PIGN: variants seen among roughly 807,000 people sequenced by gnomAD.
PIGN encodes the protein phosphatidylinositol glycan anchor biosynthesis class N, also known as GPI ethanolamine phosphate transferase 1.
In PIGN, 117 loss-of-function variants were observed where a neutral mutation model predicts 125.4. That is an observed-to-expected ratio of 0.93 (90% CI 0.80 to 1.09). PIGN has a LOEUF of 1.09. Among genes scored for constraint, PIGN ranks in the 50% least tolerant of loss-of-function variants. PIGN has a pLI of 0.00. For missense variants in PIGN, 1,075 were observed against 1,094.9 expected (o/e 0.98, Z 0.26); for synonymous variants, 392 against 377.8 (o/e 1.04, Z -0.44).
intron 20 of PIGN, among the ~76,000 whole-genome samples, chr18:62,104,642 T>A (rs910789814): frequency 6.6e-6 from 1 of 152,164 alleles, no homozygotes; most frequent in Non-Finnish European, 1.5e-5. Context: ...GGTATTCTCA[T>A]ACAAATAGGA....
intron 30 of PIGN, among the ~76,000 whole-genome samples, chr18:62,061,794 T>C (rs1014507048): frequency 3.0e-4 from 45 of 152,228 alleles, no homozygotes; most frequent in African/African-American, 1.0e-3. Context: ...ACAAGAATAA[T>C]TGGAAACTCA....
intron 4 of PIGN, chr18:62,158,063 A>G (rs2036805990): frequency 5.9e-6 from 2 of 339,394 alleles, no homozygotes; most frequent in African/African-American, 2.1e-5. Flanking sequence ...ATGAAACAAA[A>G]TACATGATTG....
intron 10 of PIGN, among the ~76,000 whole-genome samples, chr18:62,144,754 GCTATACATTTAAAA>G (rs2036258473): frequency 6.6e-6 from 1 of 152,152 alleles, no homozygotes; most frequent in Admixed American, 6.5e-5. Context: ...AATTCATAAA[GCTATACATTTAAAA>G]CCAATGCATT....
intron 23 of PIGN, among the ~76,000 whole-genome samples, chr18:62,023,083 C>G (rs571902): frequency 0.24 from 35,852 of 151,784 alleles, 4,476 homozygotes; most frequent in Middle Eastern, 0.37. Flanking sequence ...TATTTTTGAT[C>G]CGCTATTGGT....
downstream of PIGN, among the ~76,000 whole-genome samples, chr18:62,036,429 T>G (rs1329167236): frequency 6.6e-6 from 1 of 152,094 alleles, no homozygotes; most frequent in Non-Finnish European, 1.5e-5. Context: ...GACAAACAAA[T>G]CAAGGTTCTG....
At chr18:62,060,162 A>G (rs1387231695) in intron 30 of PIGN, among the ~76,000 whole-genome samples, 1 of 152,210 alleles carries the variant, frequency 6.6e-6, no homozygotes, top group Non-Finnish European at 1.5e-5. Flanking sequence ...GTTATCTTGC[A>G]TCAATCAAGT....
chr18:62,059,647 T>A (rs999667250), intron 30 of PIGN, among the ~76,000 whole-genome samples: 1 of 152,198 alleles, frequency 6.6e-6, no homozygotes, highest in African/African-American at 2.4e-5. Context: ...GGGCTTGGGA[T>A]GGTAATGGGA....
At chr18:62,095,435 T>A (rs951882426) in intron 23 of PIGN, among the ~76,000 whole-genome samples, 6 of 151,272 alleles carry the variant, frequency 4.0e-5, no homozygotes, top group Non-Finnish European at 7.4e-5. Context: ...CAAATGAATA[T>A]CTGAACTGTG....
downstream of PIGN, among the ~76,000 whole-genome samples, chr18:62,039,659 C>T (rs1167944957): frequency 3.2e-5 from 4 of 125,078 alleles, 1 homozygote; most frequent in South Asian, 2.5e-4. Flanking sequence ...TTCAGGGTGC[C>T]GCACCCCATG....
intron 28 of PIGN, among the ~76,000 whole-genome samples, chr18:62,077,360 G>A (rs1328767593): frequency 6.6e-6 from 1 of 152,104 alleles, no homozygotes; most frequent in East Asian, 1.9e-4. Context: ...GTGACAGAGT[G>A]AGACTCTGCC....
intron 14 of PIGN, among the ~76,000 whole-genome samples, chr18:62,131,424 A>G (rs922777167): frequency 7.4e-5 from 11 of 148,198 alleles, no homozygotes; most frequent in Non-Finnish European, 9.0e-5. Flanking sequence ...TCTAAAGTAT[A>G]CAATTTTAAA....
At chr18:62,119,799 G>A (rs1383234438) in intron 14 of PIGN, among the ~76,000 whole-genome samples, 2 of 149,910 alleles carry the variant, frequency 1.3e-5, no homozygotes, top group Admixed American at 6.7e-5. Flanking sequence ...AGCCAAGATC[G>A]TGACACTGCA....
intron 30 of PIGN, among the ~76,000 whole-genome samples, chr18:62,061,213 C>T (rs1177903672): frequency 6.6e-6 from 1 of 152,082 alleles, no homozygotes; most frequent in Non-Finnish European, 1.5e-5. Flanking sequence ...ATAATACAAT[C>T]TTTATTATTT....
At chr18:62,160,164 T>C (rs146069223) in intron 4 of PIGN, among the ~76,000 whole-genome samples, 1 of 152,090 alleles carries the variant, frequency 6.6e-6, no homozygotes, top group African/African-American at 2.4e-5. Context: ...GAGGTAATGA[T>C]GACAGATGGA....
intron 28 of PIGN, among the ~76,000 whole-genome samples, chr18:62,076,696 A>G (rs1308323723): frequency 3.3e-5 from 5 of 152,206 alleles, no homozygotes; most frequent in African/African-American, 1.2e-4. Flanking sequence ...TTAATAAATA[A>G]TTGTTTTTCT....
At chr18:62,148,178 C>A in intron 8 of PIGN, 36 bp downstream of exon 8, 1 of 1,472,264 alleles carries the variant, frequency 6.8e-7, no homozygotes, top group South Asian at 1.4e-5. Context: ...ATAGCTGTTG[C>A]CCTAAAAAAT....
chr18:62,091,026 A>G (rs1272655993), intron 23 of PIGN, among the ~76,000 whole-genome samples: 1 of 152,162 alleles, frequency 6.6e-6, no homozygotes, highest in South Asian at 2.1e-4. Context: ...AATGAAAACA[A>G]TGGTGATATA....
Position 62,156,356 on chromosome 18 carries a change from T to C in PIGN, c.442+773A>G, listed in dbSNP as rs559111675. Among the ~76,000 whole-genome samples, 11 of 152,214 alleles carry C rather than the reference T, an allele frequency of 7.2e-5. No homozygotes were observed. The South Asian group carries it at 2.3e-3, about 32-fold the overall frequency. On this transcript the variant is annotated intron_variant, in intron 6 of 30. Coordinates refer to ENST00000640252, the MANE Select transcript of PIGN (RefSeq NM_176787.5). ...CTTAAATATTTTTTTTGAGATAGGGTGTTGCTCTGTTGCCCAGGCTGGAGT... is the reference window on the plus strand; with the variant it reads ...CTTAAATATTTTTTTTGAGATAGGGCGTTGCTCTGTTGCCCAGGCTGGAGT...
At chr18:62,143,185 A>G (rs1377538876) in intron 11 of PIGN, 121 bp downstream of exon 11, 1 of 623,582 alleles carries the variant, frequency 1.6e-6, no homozygotes, top group Non-Finnish European at 2.8e-6. Flanking sequence ...TCCCCTTAGT[A>G]ACTGAAATGT....
Sources: allele counts gnomAD v4.1 joint callset (sites outside exome capture counted in the v4.1 genomes callset), GRCh38; gene constraint gnomAD v4.1.1; transcripts MANE v1.5; gene names NCBI Gene and HGNC (gene_info 2026-07-23, HGNC 2026-07-21).